USP10: variants seen among roughly 807,000 people sequenced by gnomAD.
USP10 encodes ubiquitin specific peptidase 10.
A neutral mutation model predicts 84.5 loss-of-function variants in USP10; 22 were observed. The ratio of observed to expected loss-of-function variants is 0.26; its 90% confidence interval spans 0.19 to 0.37. USP10 has a LOEUF of 0.37. USP10 is among the 10% of genes least tolerant of loss of function. The pLI is 1.00. For synonymous variants in USP10, 454 were observed against 387.6 expected, an observed-to-expected ratio of 1.17 and a Z score of -2.01; for missense variants, 1,019 against 998.9, an observed-to-expected ratio of 1.02 and a Z score of -0.27.
chr16:84,702,715 C>T (rs1905041894), intron 1 of USP10, among the ~76,000 whole-genome samples: 1 of 151,986 alleles, frequency 6.6e-6, no homozygotes, highest in Admixed American at 6.6e-5. Context: ...GTTTACAGGC[C>T]AGCGCGGTGG....
chr16:84,708,190 G>A (rs1451828580), intron 1 of USP10, among the ~76,000 whole-genome samples: 3 of 150,616 alleles, frequency 2.0e-5, no homozygotes, highest in Admixed American at 6.6e-5. Context: ...TGGCTCACGC[G>A]TGTAATCCCA....
intron 4 of USP10, among the ~76,000 whole-genome samples, chr16:84,745,972 A>G (rs1911180413): frequency 6.6e-6 from 1 of 152,204 alleles, no homozygotes; most frequent in African/African-American, 2.4e-5. Context: ...GCTCCACGGT[A>G]TGAATGTATA....
intron 1 of USP10, among the ~76,000 whole-genome samples, chr16:84,730,239 A>G (rs1909033910): frequency 6.6e-6 from 1 of 152,150 alleles, no homozygotes; most frequent in African/African-American, 2.4e-5. Context: ...TTATTAACAA[A>G]CACAAATATG....
intron 1 of USP10, 85 bp from the exon 2 acceptor site, chr16:84,733,350 G>A (rs1490708374): frequency 9.2e-7 from 1 of 1,085,688 alleles, no homozygotes; most frequent in Non-Finnish European, 1.4e-6. Flanking sequence ...ATGTTGCATA[G>A]GATTGTTAAA....
intron 12 of USP10, 23 bp downstream of exon 12, chr16:84,772,708 A>G: frequency 6.2e-7 from 1 of 1,612,832 alleles, no homozygotes; most frequent in Non-Finnish European, 8.5e-7. Flanking sequence ...TAAGGTCGGG[A>G]GTGTTCGTGG....
chr16:84,726,737 A>G (rs1040608318), intron 1 of USP10, among the ~76,000 whole-genome samples: 1 of 152,200 alleles, frequency 6.6e-6, no homozygotes, highest in Admixed American at 6.5e-5. Context: ...GGTGGAGGGG[A>G]ATAAATAGCT....
intron 9 of USP10, 137 bp from the exon 10 acceptor site, chr16:84,763,949 G>A: frequency 9.1e-7 from 1 of 1,101,918 alleles, no homozygotes; most frequent in Non-Finnish European, 1.3e-6. Context: ...TGCTCCTGTT[G>A]CGATTGGTTG....
At chr16:84,718,755 CA>C (rs1268603491) in intron 1 of USP10, among the ~76,000 whole-genome samples, 1 of 149,938 alleles carries the variant, frequency 6.7e-6, no homozygotes, top group African/African-American at 2.4e-5. Flanking sequence ...GACTGTCTGA[CA>C]AAAAAACAAA....
chr16:84,725,588 A>G (rs944792294), intron 1 of USP10, among the ~76,000 whole-genome samples: 2 of 151,852 alleles, frequency 1.3e-5, no homozygotes, highest in African/African-American at 2.4e-5. Context: ...TGTTTTTAGT[A>G]GAGACAGGGT....
Position 84,759,459 on chromosome 16 carries a change from A to C in USP10, c.1381A>C (p.Met461Leu), listed in dbSNP as rs759267173. 2 of 1,613,942 alleles carry C rather than the reference A, an allele frequency of 1.2e-6. No homozygotes were observed. The highest frequency in any genetic ancestry group is 4.5e-5 in the East Asian group (2 of 44,888). ...GCAAAGGCCTTGTACGTCAACACCC[A>C]TGATAGACAGCTTGTAAGTAAGGTG... The part of the protein sequence containing the change: ...KVQRPCTSTP[M>L]IDSFVRLMNE... The change falls in exon 6 of 14, where the codon ATG becomes CTG. Residue 461 changes from methionine to leucine, a missense_variant. Met to Leu is a conservative substitution (Grantham distance 15). Coordinates refer to ENST00000219473, the MANE Select transcript of USP10 (RefSeq NM_005153.3).
At chr16:84,763,931 A>T (rs1158693529) in intron 9 of USP10, among the ~76,000 whole-genome samples, 155 bp from the exon 10 acceptor site, 1 of 152,162 alleles carries the variant, frequency 6.6e-6, no homozygotes, top group Non-Finnish European at 1.5e-5. Flanking sequence ...CCGTGGATCC[A>T]GTGACGTTGC....
At chr16:84,712,993 T>C (rs1464669782) in intron 1 of USP10, among the ~76,000 whole-genome samples, 1 of 152,216 alleles carries the variant, frequency 6.6e-6, no homozygotes, top group Non-Finnish European at 1.5e-5. Context: ...CAGTGATCTA[T>C]CTTCGCAGGC....
chr16:84,769,185 A>G (rs1914172222), intron 11 of USP10, among the ~76,000 whole-genome samples: 2 of 152,350 alleles, frequency 1.3e-5, no homozygotes, highest in Admixed American at 1.3e-4. Flanking sequence ...GATGGCAGCT[A>G]CAAGGTAAAA....
rs781205872 is a variant in USP10 at position 84,764,301 on chromosome 16, T to C, written c.1832+38T>C. On this transcript the variant is annotated intron_variant, in intron 10 of 13. Transcript: ENST00000219473. The stretch of plus-strand genomic sequence containing the variant: ...CTGGAATAACTTAATATTTGCCTTT[T>C]CTAGGGTTTTGCCATGTTGGTGAAG... The C allele has an allele frequency of 7.4e-6, 12 of 1,613,400 alleles. No homozygotes were observed. In the South Asian group the frequency reaches 1.1e-4, roughly 15 times the overall value.
chr16:84,778,150 A>AT (rs1393211444), intron 13 of USP10, among the ~76,000 whole-genome samples: 1 of 139,362 alleles, frequency 7.2e-6, no homozygotes, highest in Non-Finnish European at 1.6e-5. Context: ...AAAATGGGTA[A>AT]TTTTTTTTAA....
At chr16:84,749,361 T>C (rs1382056412) in intron 4 of USP10, among the ~76,000 whole-genome samples, 7 of 152,226 alleles carry the variant, frequency 4.6e-5, no homozygotes, top group East Asian at 1.9e-4. Flanking sequence ...TGGGTTATAA[T>C]AGAGTTTGAC....
At chr16:84,732,600 C>T (rs150829174) in intron 1 of USP10, 238 of 309,600 alleles carry the variant, frequency 7.7e-4, no homozygotes, top group African/African-American at 5.0e-3. Flanking sequence ...GTACACGCCA[C>T]CACGCCTGGC....
At chr16:84,738,639 T>G (rs1206843708) in intron 2 of USP10, among the ~76,000 whole-genome samples, 1 of 152,206 alleles carries the variant, frequency 6.6e-6, no homozygotes, top group East Asian at 1.9e-4. Flanking sequence ...GGTGTCAACG[T>G]GATGCGTACT....
intron 1 of USP10, among the ~76,000 whole-genome samples, chr16:84,713,192 A>G (rs1446134234): frequency 1.3e-5 from 2 of 151,972 alleles, no homozygotes; most frequent in Admixed American, 1.3e-4. Context: ...CCATTCACCC[A>G]CTAGTTATTT....
Sources: gnomAD v4.1 joint callset for allele counts (sites outside exome capture counted in the v4.1 genomes callset) on GRCh38, gnomAD v4.1.1 for gene constraint, MANE v1.5 for transcripts, NCBI Gene and HGNC (gene_info 2026-07-23, HGNC 2026-07-21) for gene names.